Variants in ANKRD26 observed in about 807,000 individuals in gnomAD.
ANKRD26 encodes the protein ankyrin repeat domain-containing protein 26.
In ANKRD26, 141 loss-of-function variants were observed where a neutral mutation model predicts 208.7. That is an observed-to-expected ratio of 0.68 (90% confidence interval 0.59 to 0.78). ANKRD26 has a LOEUF of 0.78. ANKRD26 is among the 30% of genes least tolerant of loss of function. ANKRD26 has a pLI of 0.00. For missense variants in ANKRD26, 1,889 were observed against 1,938.7 expected, an observed-to-expected ratio of 0.97 and a Z score of 0.48; for synonymous variants, 636 against 660.4, an observed-to-expected ratio of 0.96 and a Z score of 0.57.
At chr10:27,053,851 T>G (rs1369396524) in intron 15 of ANKRD26, among the ~76,000 whole-genome samples, 1 of 152,226 alleles carries the variant, frequency 6.6e-6, no homozygotes, top group Admixed American at 6.5e-5. Context: ...AAAGTAACAT[T>G]GTATAATGTT....
intron 1 of ANKRD26, among the ~76,000 whole-genome samples, chr10:27,098,119 TTTTTTA>T (rs759360346): frequency 1.2e-3 from 180 of 152,234 alleles, no homozygotes; most frequent in Non-Finnish European, 2.2e-3. Context: ...TACTTTTTCT[TTTTTTA>T]TTTTTATTTT....
At position 27,029,202 on chromosome 10, in the gene ANKRD26, T is replaced by A. The variant is rs2053779991; in HGVS notation, c.3878+84A>T. 4 of 1,440,744 alleles carry A rather than the reference T, an allele frequency of 2.8e-6. No homozygotes were observed. In the Admixed American group the frequency reaches 7.8e-5, roughly 28 times the overall value. The allele number at this position is 1,440,744 out of a possible 1,614,324, so 89.2% of individuals were successfully genotyped here. On this transcript the variant is annotated intron_variant, in intron 26 of 33. Coordinates refer to ENST00000376087, the MANE Select transcript of ANKRD26 (RefSeq NM_014915.3). ...TGACTTCACACAGATGTACTTATGATCATAGCTGATATAATTCTCATACTA... is the reference window on the plus strand; with the variant it reads ...TGACTTCACACAGATGTACTTATGAACATAGCTGATATAATTCTCATACTA...
At chr10:27,020,548 G>A (rs1564360979) in intron 29 of ANKRD26, among the ~76,000 whole-genome samples, 3 of 152,104 alleles carry the variant, frequency 2.0e-5, no homozygotes, top group South Asian at 2.1e-4. Flanking sequence ...TTGCATACGA[G>A]TGAGAACCTT....
chr10:26,951,053 T>C, the ANKRD26 span, among the ~76,000 whole-genome samples: 8,989 of 144,412 alleles, frequency 0.062, 1,048 homozygotes, highest in African/African-American at 0.23. Flanking sequence ...TTCATGTTTG[T>C]TGACCACTTC....
At chr10:27,021,728 T>C (rs537080019) in intron 29 of ANKRD26, among the ~76,000 whole-genome samples, 5 of 152,348 alleles carry the variant, frequency 3.3e-5, no homozygotes, top group Non-Finnish European at 7.3e-5. Context: ...GACTTTTTAA[T>C]AATAGCCATT....
rs1023592812 is a variant in ANKRD26 at position 27,004,885 on chromosome 10, T to C, written c.*705A>G. On this transcript the variant is annotated 3_prime_UTR_variant, in exon 34 of 34. Coordinates refer to ENST00000376087, the MANE Select transcript of ANKRD26 (RefSeq NM_014915.3). ...CTAGAATGTATTAATGTTGACTTTC[T>C]GATTGCAAGGTTTGCACTGTAGTTA... 7.0e-5 allele frequency: 18 copies of C among 258,508 alleles called. No individual in the cohort carries two copies. The highest frequency in any genetic ancestry group is 9.7e-5 in the Non-Finnish European group (16 of 165,610). The allele number at this position is 258,508 out of a possible 1,614,324, so 16.0% of individuals were successfully genotyped here.
chr10:26,971,961 C>T (rs778662222), downstream of ANKRD26, among the ~76,000 whole-genome samples: 18 of 151,982 alleles, frequency 1.2e-4, no homozygotes, highest in Non-Finnish European at 2.2e-4. Context: ...AGTGGCCGGG[C>T]GCAGTGGCTC....
At chr10:26,970,835 A>G (rs2052132047), downstream of ANKRD26, among the ~76,000 whole-genome samples, 2 of 152,240 alleles carry the variant, frequency 1.3e-5, no homozygotes, top group Admixed American at 1.3e-4. Context: ...TTACTAAGAA[A>G]TATAAGAAAG....
chr10:26,957,149 T>A, the ANKRD26 span, among the ~76,000 whole-genome samples: 1 of 152,204 alleles, frequency 6.6e-6, no homozygotes, highest in Non-Finnish European at 1.5e-5. Flanking sequence ...GGCTCACGCC[T>A]ATAATCCCAG....
intron 33 of ANKRD26, among the ~76,000 whole-genome samples, 195 bp downstream of exon 33, chr10:27,006,722 A>C (rs1196903961): frequency 6.6e-6 from 1 of 152,228 alleles, no homozygotes; most frequent in Admixed American, 6.5e-5. Flanking sequence ...ATGATGAATT[A>C]ATGAGACAAA....
At position 27,017,537 on chromosome 10, in the gene ANKRD26, C is replaced by G; in HGVS notation, c.4471G>C (p.Ala1491Pro). Reference protein sequence around the residue: ...EIEERARQEIAEKLKEVNLFL... With the variant: ...EIEERARQEIPEKLKEVNLFL... ...AGATTGACTTCTTTTAATTTTTCTG[C>G]TATTTCCTGTCTTGCTCTTTCTTCA... Residue 1491 changes from alanine (A) to proline (P), a missense_variant, in exon 30 of 34, where the codon GCA (alanine) becomes CCA (proline). Ala to Pro is a conservative substitution (Grantham distance 27). Coordinates refer to ENST00000376087, the MANE Select transcript of ANKRD26 (RefSeq NM_014915.3). 1 of 1,613,634 alleles carries G rather than the reference C, an allele frequency of 6.2e-7. No individual in the cohort carries two copies. The highest frequency in any genetic ancestry group is 8.5e-7 in the Non-Finnish European group (1 of 1,179,810).
downstream of ANKRD26, among the ~76,000 whole-genome samples, chr10:26,989,581 C>T (rs1423340944): frequency 1.3e-5 from 2 of 152,184 alleles, no homozygotes; most frequent in Non-Finnish European, 2.9e-5. Flanking sequence ...TTATGCTTCG[C>T]AACTCAACCT....
chr10:27,034,688 G>A (rs979308482), intron 24 of ANKRD26, 108 bp downstream of exon 24: 1 of 685,038 alleles, frequency 1.5e-6, no homozygotes, highest in South Asian at 2.4e-5. Flanking sequence ...TAAACTGATA[G>A]AGTAAATAAG....
At chr10:26,989,878 CG>C (rs2134661714), downstream of ANKRD26, among the ~76,000 whole-genome samples, 1 of 151,444 alleles carries the variant, frequency 6.6e-6, no homozygotes, top group South Asian at 2.1e-4. Context: ...TCAGAGGAGG[CG>C]GGGTAAAGTG....
intron 32 of ANKRD26, among the ~76,000 whole-genome samples, chr10:27,010,387 A>G (rs1206674236): frequency 1.3e-5 from 2 of 152,218 alleles, no homozygotes; most frequent in Non-Finnish European, 2.9e-5. Context: ...GCGTATCTAC[A>G]TATTCTTTCA....
intron 9 of ANKRD26, among the ~76,000 whole-genome samples, chr10:27,070,728 C>T (rs12414273): frequency 0.016 from 2,470 of 151,550 alleles, 151 homozygotes; most frequent in East Asian, 0.16. Context: ...TACAATGGCA[C>T]GATCTTGGCT....
At chr10:27,067,108 G>T (rs761497757) in intron 10 of ANKRD26, 49 bp downstream of exon 10, 2 of 1,596,810 alleles carry the variant, frequency 1.3e-6, no homozygotes, top group South Asian at 2.2e-5. Context: ...CTGGACCCCA[G>T]AATAGAACTT....
At chr10:27,076,538 T>G (rs1189519702) in intron 9 of ANKRD26, among the ~76,000 whole-genome samples, 1 of 152,140 alleles carries the variant, frequency 6.6e-6, no homozygotes, top group African/African-American at 2.4e-5. Context: ...GTGCTGGGAT[T>G]ACAGGTGTGA....
At chr10:27,076,581 T>C (rs982211992) in intron 9 of ANKRD26, among the ~76,000 whole-genome samples, 1 of 151,908 alleles carries the variant, frequency 6.6e-6, no homozygotes, top group African/African-American at 2.4e-5. Context: ...TTTTAAAAGA[T>C]ACACAGTTGA....
Sources: gnomAD v4.1 joint callset for allele counts (sites outside exome capture counted in the v4.1 genomes callset) on GRCh38, gnomAD v4.1.1 for gene constraint, MANE v1.5 for transcripts, NCBI Gene and HGNC (gene_info 2026-07-23, HGNC 2026-07-21) for gene names.